ACER3: variants seen among roughly 807,000 people sequenced by gnomAD.
The protein encoded by ACER3 is alkaline ceramidase 3.
ACER3 carries 16 observed loss-of-function variants against 48.9 expected under a neutral mutation model. That is an observed-to-expected ratio of 0.33 (90% CI 0.22 to 0.50). ACER3 has a LOEUF of 0.50. ACER3 is among the 20% of genes least tolerant of loss of function. ACER3 has a pLI of 0.98. For missense variants in ACER3, 227 were observed against 326.0 expected, an observed-to-expected ratio of 0.70 and a Z score of 2.34; for synonymous variants, 109 against 107.8, an observed-to-expected ratio of 1.01 and a Z score of -0.07.
chr11:76,978,825 C>T (rs1439357576), intron 4 of ACER3, among the ~76,000 whole-genome samples: 18 of 152,216 alleles, frequency 1.2e-4, no homozygotes, highest in Admixed American at 1.2e-3. Flanking sequence ...TTCCCCTTGT[C>T]CAGATGGGGG....
intron 2 of ACER3, among the ~76,000 whole-genome samples, chr11:76,955,160 T>A (rs1947802818): frequency 6.6e-6 from 1 of 152,166 alleles, no homozygotes; most frequent in Admixed American, 6.5e-5. Flanking sequence ...AGTATATTGC[T>A]GATAGGAATG....
intron 2 of ACER3, among the ~76,000 whole-genome samples, chr11:76,929,898 G>T (rs1392302137): frequency 6.6e-6 from 1 of 152,122 alleles, no homozygotes; most frequent in East Asian, 1.9e-4. Flanking sequence ...TTTTTACATC[G>T]ATGTTCATCA....
rs1555025488 is a variant in ACER3, at chr11:77,025,392, T to TTTTATATA, written c.*5066_*5067insTTATATAT. ...TGGTTATTTTATTTTATTTTATTCT[T>TTTTATATA]TATATATATATATATATATTTATTT... On this transcript the variant is annotated 3_prime_UTR_variant, in exon 11 of 11. Transcript: ENST00000532485. 2 of 135,850 alleles carry TTTTATATA rather than the reference T, an allele frequency of 1.5e-5. No homozygotes were observed. Among genetic ancestry groups the TTTTATATA allele is most frequent in the South Asian group, 4.4e-4 (2 of 4,522 alleles). 8.4% of individuals were successfully genotyped at this position (135,850 alleles called of 1,614,324 possible).
intron 5 of ACER3, among the ~76,000 whole-genome samples, chr11:76,989,732 G>A (rs1948759553): frequency 6.6e-6 from 1 of 152,152 alleles, no homozygotes; most frequent in East Asian, 1.9e-4. Flanking sequence ...TGAATGTTAG[G>A]TTAAGAAATT....
intron 1 of ACER3, among the ~76,000 whole-genome samples, chr11:76,921,425 A>T (rs1590933628): frequency 1.3e-5 from 2 of 152,120 alleles, no homozygotes; most frequent in South Asian, 4.1e-4. Context: ...ATCCAGATTA[A>T]TTTTTTTCCT....
intron 1 of ACER3, among the ~76,000 whole-genome samples, chr11:76,914,912 C>T (rs985602661): frequency 2.6e-5 from 4 of 152,248 alleles, no homozygotes; most frequent in Non-Finnish European, 5.9e-5. Context: ...ATGGATGAAG[C>T]TGGAAACCAT....
intron 1 of ACER3, among the ~76,000 whole-genome samples, chr11:76,924,916 C>T (rs2134801988): frequency 7.5e-6 from 1 of 133,732 alleles, no homozygotes; most frequent in Middle Eastern, 4.6e-3. Context: ...GTGGAGGTTG[C>T]AGTGAGCTGA....
intron 3 of ACER3, among the ~76,000 whole-genome samples, chr11:76,972,912 C>G (rs1202099253): frequency 2.0e-5 from 3 of 152,240 alleles, no homozygotes; most frequent in Admixed American, 2.0e-4. Context: ...ATCTGAGGGT[C>G]TGACACCCAC....
chr11:76,883,885 G>T (rs7114827), intron 1 of ACER3, among the ~76,000 whole-genome samples: 90,696 of 152,116 alleles, frequency 0.6, 29,397 homozygotes, highest in Non-Finnish European at 0.74. Flanking sequence ...ATTCTGATCA[G>T]TTGATCCCTT....
rs914879756 is a variant in ACER3 at position 77,026,319 on chromosome 11, G to A, written c.*5992G>A. ...AAAGTCCTTTCCACAGTTAGTCTTC[G>A]CTTCTTTTGGATTTTTCTTTTTAGA... On this transcript the variant is annotated 3_prime_UTR_variant, in exon 11 of 11. Transcript: ENST00000532485. 8 of 151,764 alleles carry A rather than the reference G, an allele frequency of 5.3e-5. No individual in the cohort carries two copies. Among genetic ancestry groups the A allele is most frequent in the South Asian group, 2.1e-4 (1 of 4,808 alleles). 9.4% of individuals were successfully genotyped at this position (151,764 alleles called of 1,614,324 possible). A position where few individuals can be genotyped will look rare whatever the true frequency, so the allele number is the denominator to read the frequency against.
intron 1 of ACER3, among the ~76,000 whole-genome samples, chr11:76,889,854 C>T (rs1368625954): frequency 1.3e-5 from 2 of 151,464 alleles, no homozygotes; most frequent in Non-Finnish European, 2.9e-5. Context: ...TTCTTTTTTT[C>T]AAATCTGCCT....
chr11:76,977,280 T>C (rs972313115), intron 4 of ACER3, among the ~76,000 whole-genome samples: 2 of 152,164 alleles, frequency 1.3e-5, no homozygotes, highest in African/African-American at 4.8e-5. Context: ...TGATCACAAT[T>C]CCTCTCAAGG....
intron 2 of ACER3, among the ~76,000 whole-genome samples, chr11:76,934,765 G>T (rs61000315): frequency 6.6e-6 from 1 of 150,722 alleles, no homozygotes; most frequent in African/African-American, 2.5e-5. Context: ...GAGACGGAGA[G>T]GGAGAAGGAG....
intron 3 of ACER3, among the ~76,000 whole-genome samples, chr11:76,960,408 AAAT>A (rs903432042): frequency 2.0e-5 from 3 of 151,774 alleles, no homozygotes; most frequent in Admixed American, 2.0e-4. Context: ...ACTCTGTCTC[AAAT>A]AATAATAATA....
intron 1 of ACER3, among the ~76,000 whole-genome samples, chr11:76,883,904 T>C (rs1179384382): frequency 6.6e-6 from 1 of 152,230 alleles, no homozygotes; most frequent in Non-Finnish European, 1.5e-5. Context: ...TTTCAAGGTT[T>C]GTTTTAAAGC....
intron 1 of ACER3, among the ~76,000 whole-genome samples, chr11:76,911,727 A>C (rs1228378036): frequency 6.6e-6 from 1 of 152,152 alleles, no homozygotes; most frequent in Non-Finnish European, 1.5e-5. Context: ...ACTTGGCCTA[A>C]ATATGGAAGC....
chr11:76,932,278 CTCTT>C lies in ACER3; in HGVS notation c.214+5617_214+5620del, dbSNP rs144778512. Among the ~76,000 whole-genome samples, 287 of 152,188 alleles carry C rather than the reference CTCTT, an allele frequency of 1.9e-3. 5 individuals carry two copies. In the East Asian group the frequency reaches 0.041, roughly 22 times the overall value. ...TTTATTTTTTATAACTCTCTAAAGT[CTCTT>C]TCTTTTGTTTTAGCTCATGGTGAGT... On this transcript the variant is annotated intron_variant, in intron 2 of 10. Coordinates refer to ENST00000532485, the MANE Select transcript of ACER3 (RefSeq NM_018367.7).
At chr11:76,973,766 T>C (rs1457670422) in intron 3 of ACER3, among the ~76,000 whole-genome samples, 1 of 152,248 alleles carries the variant, frequency 6.6e-6, no homozygotes, top group Non-Finnish European at 1.5e-5. Context: ...TTTTTTTCTT[T>C]GGTTGCTTAT....
rs1949505554 is a variant in ACER3, at chr11:77,023,727, T to C, written c.*3400T>C. On this transcript the variant is annotated 3_prime_UTR_variant, in exon 11 of 11. Coordinates refer to ENST00000532485, the MANE Select transcript of ACER3 (RefSeq NM_018367.7). The stretch of plus-strand genomic sequence containing the variant: ...AGTGCTATAATTAGTTTGATCACTT[T>C]GTCTTGTTTTTCAGTGTCTACAATT... 1 of 152,330 alleles carries C rather than the reference T, an allele frequency of 6.6e-6. No homozygotes were observed. The highest frequency in any genetic ancestry group is 2.1e-4 in the South Asian group (1 of 4,832). The allele number at this position is 152,330 out of a possible 1,614,324, so 9.4% of individuals were successfully genotyped here.
Sources: allele counts gnomAD v4.1 joint callset (sites outside exome capture counted in the v4.1 genomes callset), GRCh38; gene constraint gnomAD v4.1.1; transcripts MANE v1.5; gene names NCBI Gene and HGNC (gene_info 2026-07-23, HGNC 2026-07-21).